PALM2AKAP2: variants seen among roughly 807,000 people sequenced by gnomAD.
PALM2AKAP2 encodes PALM2-AKAP2 fusion protein.
PALM2AKAP2 carries 37 observed loss-of-function variants against 71.5 expected under a neutral mutation model. The observed-to-expected ratio is 0.52, with a 90% CI of 0.40 to 0.68. PALM2AKAP2 has a LOEUF of 0.68. Ranked by LOEUF, PALM2AKAP2 falls within the 30% of genes least tolerant of loss-of-function variation. The pLI is 0.00. For synonymous variants in PALM2AKAP2, 468 were observed against 478.8 expected, an observed-to-expected ratio of 0.98 and a Z score of 0.29; for missense variants, 1,224 against 1,191.8, an observed-to-expected ratio of 1.03 and a Z score of -0.40.
At chr9:110,004,217 C>T (rs1241596496) in intron 6 of PALM2AKAP2, among the ~76,000 whole-genome samples, 2 of 152,172 alleles carry the variant, frequency 1.3e-5, no homozygotes, top group African/African-American at 4.8e-5. Flanking sequence ...TCTTTTAGGG[C>T]AGGCCTGGTG....
chr9:109,953,413 G>A (rs1258755130), intron 6 of PALM2AKAP2, among the ~76,000 whole-genome samples: 1 of 152,200 alleles, frequency 6.6e-6, no homozygotes, highest in Non-Finnish European at 1.5e-5. Context: ...CTGAGTTATA[G>A]AGATAGTAAG....
chr9:109,971,161 G>GT (rs1168286064), intron 6 of PALM2AKAP2, among the ~76,000 whole-genome samples: 1 of 151,720 alleles, frequency 6.6e-6, no homozygotes, highest in Non-Finnish European at 1.5e-5. Flanking sequence ...ATTTCCTGAT[G>GT]TTTCCCAAAT....
chr9:109,877,837 C>T (rs987058997), intron 2 of PALM2AKAP2, among the ~76,000 whole-genome samples: 1 of 152,148 alleles, frequency 6.6e-6, no homozygotes, highest in Non-Finnish European at 1.5e-5. Context: ...CAGTCTCTAC[C>T]CTCTTCCTGA....
At chr9:109,772,841 G>A (rs1368504327) in intron 1 of PALM2AKAP2, among the ~76,000 whole-genome samples, 8 of 152,210 alleles carry the variant, frequency 5.3e-5, no homozygotes, top group South Asian at 4.1e-4. Flanking sequence ...AGGTCGGGCC[G>A]GGTGTAGTGG....
chr9:110,138,191 A>G, exon 2 of PALM2AKAP2: 1 of 1,614,010 alleles, frequency 6.2e-7, no homozygotes, highest in Non-Finnish European at 8.5e-7. Context: ...CAGGGCGCTC[A>G]GGGAAAGGGG....
chr9:109,796,067 A>G (rs546843334), intron 1 of PALM2AKAP2, among the ~76,000 whole-genome samples: 2 of 152,340 alleles, frequency 1.3e-5, no homozygotes, highest in Non-Finnish European at 2.9e-5. Flanking sequence ...CACATTTTGC[A>G]TAGTGTCAAA....
At chr9:109,672,891 T>C (rs994369535) in intron 1 of PALM2AKAP2, among the ~76,000 whole-genome samples, 3 of 152,090 alleles carry the variant, frequency 2.0e-5, no homozygotes, top group Non-Finnish European at 4.4e-5. Context: ...TATAGGTGCA[T>C]AGAGGTGTTC....
upstream of PALM2AKAP2, among the ~76,000 whole-genome samples, chr9:109,779,089 C>A (rs1000971490): frequency 3.3e-5 from 5 of 152,216 alleles, no homozygotes; most frequent in African/African-American, 1.2e-4. Flanking sequence ...TATCTTTTAA[C>A]ATGCCTTTAA....
intron 5 of PALM2AKAP2, among the ~76,000 whole-genome samples, chr9:109,930,037 T>C (rs1005621548): frequency 2.0e-5 from 3 of 151,892 alleles, no homozygotes; most frequent in Non-Finnish European, 4.4e-5. Context: ...CCCACCATCA[T>C]CTCAAAGGCT....
At chr9:109,826,476 G>A (rs1406838638) in intron 1 of PALM2AKAP2, among the ~76,000 whole-genome samples, 1 of 152,204 alleles carries the variant, frequency 6.6e-6, no homozygotes, top group Non-Finnish European at 1.5e-5. Context: ...TGAAGTGTTT[G>A]ATGGTGATTC....
At chr9:110,092,990 C>T (rs766876727) in intron 1 of PALM2AKAP2, among the ~76,000 whole-genome samples, 2 of 152,152 alleles carry the variant, frequency 1.3e-5, no homozygotes, top group African/African-American at 4.8e-5. Context: ...GTCACCTGCT[C>T]ACTCCTAGAG....
At chr9:109,691,867 TACACACACACAC>T (rs368555887) in intron 1 of PALM2AKAP2, among the ~76,000 whole-genome samples, 41 of 51,380 alleles carry the variant, frequency 8.0e-4, no homozygotes, top group South Asian at 1.4e-3. Flanking sequence ...TATATATATA[TACACACACACAC>T]ACATATATAT....
chr9:110,045,738 T>C (rs1170494317), upstream of PALM2AKAP2, among the ~76,000 whole-genome samples: 1 of 152,104 alleles, frequency 6.6e-6, no homozygotes, highest in African/African-American at 2.4e-5. Context: ...TGGCTAATTT[T>C]TGTAGGTTTT....
chr9:110,098,298 T>G (rs1026945608), intron 1 of PALM2AKAP2, among the ~76,000 whole-genome samples: 2 of 152,216 alleles, frequency 1.3e-5, no homozygotes, highest in African/African-American at 2.4e-5. Context: ...TTCATAGATT[T>G]GCAGGAGATG....
exon 4 of PALM2AKAP2, chr9:110,168,519 G>C: frequency 6.2e-7 from 1 of 1,612,828 alleles, no homozygotes; most frequent in Non-Finnish European, 8.5e-7. Context: ...CCCAGGAAGC[G>C]TCTTTGGTGC....
At chr9:109,771,749 G>A (rs747835326) in intron 1 of PALM2AKAP2, among the ~76,000 whole-genome samples, 4 of 152,190 alleles carry the variant, frequency 2.6e-5, no homozygotes, top group Non-Finnish European at 4.4e-5. Flanking sequence ...GAGGAGGAAA[G>A]ATGATAACTG....
intron 6 of PALM2AKAP2, among the ~76,000 whole-genome samples, chr9:110,011,242 T>C (rs1400993872): frequency 1.3e-5 from 2 of 149,162 alleles, no homozygotes; most frequent in Admixed American, 1.3e-4. Context: ...CTATTATATA[T>C]ATATATACTT....
At chr9:110,166,451 T>A (rs1445490310) in intron 3 of PALM2AKAP2, among the ~76,000 whole-genome samples, 4 of 152,198 alleles carry the variant, frequency 2.6e-5, no homozygotes, top group African/African-American at 9.7e-5. Flanking sequence ...AGCCCAAGAC[T>A]TCCACGTGCA....
chr9:109,890,010 T>G (rs1482063752), intron 3 of PALM2AKAP2, among the ~76,000 whole-genome samples: 1 of 152,230 alleles, frequency 6.6e-6, no homozygotes, highest in Admixed American at 6.5e-5. Flanking sequence ...AAAGCTTTGA[T>G]AATAGTCTTT....
Sources: gnomAD v4.1 joint callset for allele counts (sites outside exome capture counted in the v4.1 genomes callset) on GRCh38, gnomAD v4.1.1 for gene constraint, MANE v1.5 for transcripts, NCBI Gene and HGNC (gene_info 2026-07-23, HGNC 2026-07-21) for gene names.